NRP2: variants seen among roughly 807,000 people sequenced by gnomAD.
NRP2 encodes neuropilin 2.
A neutral mutation model predicts 110.4 loss-of-function variants in NRP2; 52 were observed. That is an observed-to-expected ratio of 0.47 (90% CI 0.38 to 0.59). The LOEUF is 0.59. Among genes scored for constraint, NRP2 ranks in the 20% least tolerant of loss-of-function variants. The pLI is 0.00. For synonymous variants in NRP2, 508 were observed against 468.9 expected (o/e 1.08, Z -1.08); for missense variants, 1,049 against 1,203.0 (o/e 0.87, Z 1.89).
intron 14 of NRP2, 100 bp from the exon 15 acceptor site, chr2:205,766,683 C>T: frequency 9.1e-7 from 1 of 1,095,896 alleles, no homozygotes; most frequent in Non-Finnish European, 1.4e-6. Context: ...AAACCGAGTG[C>T]AGTCATGTTT....
intron 1 of NRP2, among the ~76,000 whole-genome samples, chr2:205,689,958 T>C (rs966835806): frequency 1.3e-5 from 2 of 152,118 alleles, no homozygotes; most frequent in Non-Finnish European, 2.9e-5. Flanking sequence ...GGAGTCATTA[T>C]CTAATCCAGA....
intron 6 of NRP2, among the ~76,000 whole-genome samples, chr2:205,727,324 T>C (rs1055698974): frequency 9.2e-5 from 14 of 152,228 alleles, no homozygotes; most frequent in South Asian, 2.1e-4. Context: ...ATCCTCCTCA[T>C]AGAGCAAAAG....
Position 205,743,540 on chromosome 2 carries a change from C to A in NRP2, c.1629C>A (p.Thr543=). The A allele has an allele frequency of 6.2e-7, 1 of 1,614,180 alleles. No individual in the cohort carries two copies. The change falls in exon 9 of 17, where the codon ACC becomes ACA. Residue 543 remains threonine, a synonymous_variant. Coordinates refer to ENST00000357785, the MANE Select transcript of NRP2 (RefSeq NM_003872.3). ...GGGAATACATTCAGGACCCCAGGACCCAGCAGCCAAAGGTAGGCTGTTCTT... is the reference window on the plus strand; with the variant it reads ...GGGAATACATTCAGGACCCCAGGACACAGCAGCCAAAGGTAGGCTGTTCTT... ...KDWEYIQDPR[T]QQPKLFEGNM... is the part of the protein sequence containing the mutation.
chr2:205,731,897 C>T (rs1292734113), intron 7 of NRP2, among the ~76,000 whole-genome samples: 1 of 152,186 alleles, frequency 6.6e-6, no homozygotes, highest in Non-Finnish European at 1.5e-5. Flanking sequence ...CAGGCACCAG[C>T]TTATTCACTA....
intron 15 of NRP2, among the ~76,000 whole-genome samples, chr2:205,774,482 G>A (rs1374857968): frequency 6.6e-6 from 1 of 152,196 alleles, no homozygotes; most frequent in African/African-American, 2.4e-5. Context: ...GGATGTGGCT[G>A]TCAAGGTGTG....
intron 15 of NRP2, among the ~76,000 whole-genome samples, chr2:205,787,442 G>A (rs1467707210): frequency 1.3e-5 from 2 of 152,276 alleles, no homozygotes; most frequent in East Asian, 3.9e-4. Context: ...GTGTCCCAGG[G>A]CTGTCTTAAA....
rs1575635913 is a variant in NRP2 at position 205,755,940 on chromosome 2, C to T, written c.2044+2965C>T. On this transcript the variant is annotated intron_variant, in intron 12 of 16. Coordinates refer to ENST00000357785, the MANE Select transcript of NRP2 (RefSeq NM_003872.3). ...GCTAGCCGTGTTGAAGTACCCAACA[C>T]GGGCCCTATGTGGAAACTGCTTACA... Among the ~76,000 whole-genome samples the T allele has an allele frequency of 2.0e-5, 3 of 152,240 alleles. No individual in the cohort carries two copies. The South Asian group carries it at 6.2e-4, about 32-fold the overall frequency.
chr2:205,769,770 G>A (rs952841875), intron 15 of NRP2, among the ~76,000 whole-genome samples: 4 of 152,008 alleles, frequency 2.6e-5, no homozygotes, highest in Admixed American at 6.6e-5. Context: ...ACATGGTGCC[G>A]TCATGTATCT....
chr2:205,732,421 T>C (rs2057257583), intron 7 of NRP2, among the ~76,000 whole-genome samples: 1 of 152,172 alleles, frequency 6.6e-6, no homozygotes, highest in Non-Finnish European at 1.5e-5. Context: ...CTCAAATCAG[T>C]TGGCTAACAG....
chr2:205,751,797 G>A (rs1400732970), intron 11 of NRP2, among the ~76,000 whole-genome samples: 1 of 152,152 alleles, frequency 6.6e-6, no homozygotes, highest in Non-Finnish European at 1.5e-5. Context: ...AGAACCCTGG[G>A]AAGGGAAGTG....
At chr2:205,737,799 G>T (rs1358653299) in intron 7 of NRP2, among the ~76,000 whole-genome samples, 1 of 152,210 alleles carries the variant, frequency 6.6e-6, no homozygotes, top group African/African-American at 2.4e-5. Context: ...GATGGCCTAG[G>T]GGACACAAAC....
At chr2:205,749,698 C>T in intron 10 of NRP2, 27 bp from the exon 11 acceptor site, 1 of 1,587,164 alleles carries the variant, frequency 6.3e-7, no homozygotes, top group African/African-American at 1.3e-5. Flanking sequence ...CTACAGCATT[C>T]TCTTATCTTC....
Position 205,763,723 on chromosome 2 carries a change from G to A in NRP2, c.2094G>A (p.Gln698=). Residue 698 remains glutamine, a synonymous_variant, in exon 13 of 17, where the codon CAG becomes CAA. Transcript: ENST00000357785. The surrounding 1 kb of genome is among the most constrained non-coding windows in gnomAD (Gnocchi z 4.0). ...RLQSDSQREG[Q]YARLISPPVH... is the part of the protein sequence containing the mutation. ...AGAGTGACAGCCAGAGAGAGGGCCAGTATGCCCGGCTCATCAGCCCCCCTG... is the reference window on the plus strand; with the variant it reads ...AGAGTGACAGCCAGAGAGAGGGCCAATATGCCCGGCTCATCAGCCCCCCTG... 1 of 1,614,250 alleles carries A rather than the reference G, an allele frequency of 6.2e-7. No individual in the cohort carries two copies. The highest frequency in any genetic ancestry group is 8.5e-7 in the Non-Finnish European group (1 of 1,180,042).
Position 205,765,574 on chromosome 2 carries a change from T to C in NRP2, c.2404+4T>C. 3.1e-6 allele frequency: 5 copies of C among 1,604,878 alleles called. No homozygotes were observed. In the South Asian group the frequency reaches 4.4e-5, roughly 14 times the overall value. On this transcript the variant is annotated splice_donor_region_variant and intron_variant, in intron 14 of 16. Transcript: ENST00000357785. ...GTCCCACTGGAGAACTGCATGGGTA[T>C]GTGAATATCTGTCTCTTCATGGTTC...
chr2:205,719,333 G>A (rs763344812), intron 3 of NRP2, among the ~76,000 whole-genome samples: 8 of 152,190 alleles, frequency 5.3e-5, no homozygotes, highest in Non-Finnish European at 1.0e-4. Context: ...GGCTGGCGTG[G>A]AAGGTTCATG....
chr2:205,749,434 C>A (rs1355250018), intron 10 of NRP2, among the ~76,000 whole-genome samples: 2 of 152,148 alleles, frequency 1.3e-5, no homozygotes, highest in Non-Finnish European at 2.9e-5. Context: ...GTAGCCCCCT[C>A]CATTATTGTC....
At position 205,784,827 on chromosome 2, in the gene NRP2, C is replaced by T. The variant is rs540140359; in HGVS notation, c.2426-7408C>T. ...CTTTCCCTTCATCCATCAATGCCTT[C>T]TTCAAAAAAGCATGGGTCAGATTCC... On this transcript the variant is annotated intron_variant, in intron 15 of 16. Coordinates refer to ENST00000357785, the MANE Select transcript of NRP2 (RefSeq NM_003872.3). Among the ~76,000 whole-genome samples, 3 of 152,296 alleles carry T rather than the reference C, an allele frequency of 2.0e-5. No individual in the cohort carries two copies. The South Asian group carries it at 6.2e-4, about 32-fold the overall frequency.
At chr2:205,794,530 C>T (rs994870503) in intron 16 of NRP2, among the ~76,000 whole-genome samples, 2 of 152,206 alleles carry the variant, frequency 1.3e-5, no homozygotes, top group African/African-American at 4.8e-5. Context: ...ACTATTATCC[C>T]CATTTCAAAG....
At chr2:205,697,113 T>C (rs1416604998) in intron 1 of NRP2, among the ~76,000 whole-genome samples, 1 of 152,074 alleles carries the variant, frequency 6.6e-6, no homozygotes, top group Non-Finnish European at 1.5e-5. Flanking sequence ...CTGCCTGGGC[T>C]GGGCTGGGAG....
Sources: gnomAD v4.1 joint callset for allele counts (sites outside exome capture counted in the v4.1 genomes callset) on GRCh38, gnomAD v4.1.1 for gene constraint, Gnocchi (gnomAD v3.1) non-coding constraint, MANE v1.5 for transcripts, NCBI Gene and HGNC (gene_info 2026-07-23, HGNC 2026-07-21) for gene names.